The following CEP112 variants were observed in gnomAD, a reference collection of about 807,000 sequenced individuals.
The protein encoded by CEP112 is centrosomal protein of 112 kDa.
Under a neutral mutation model 153.0 loss-of-function variants are expected in CEP112, and 127 were observed. That is an observed-to-expected ratio of 0.83 (90% CI 0.72 to 0.96). The LOEUF is 0.96. Ranked by LOEUF, CEP112 falls within the 40% of genes least tolerant of loss-of-function variation. CEP112 has a pLI of 0.00. For synonymous variants in CEP112, 358 were observed against 374.4 expected, an observed-to-expected ratio of 0.96 and a Z score of 0.51; for missense variants, 1,089 against 1,101.2, an observed-to-expected ratio of 0.99 and a Z score of 0.16.
chr17:66,171,734 T>C (rs2072250552), intron 4 of CEP112, among the ~76,000 whole-genome samples: 4 of 152,198 alleles, frequency 2.6e-5, no homozygotes, highest in Admixed American at 2.0e-4. Flanking sequence ...ACTACAAATA[T>C]CTGTTAACTA....
At chr17:65,969,878 T>G (rs1370127585) in intron 17 of CEP112, among the ~76,000 whole-genome samples, 1 of 152,228 alleles carries the variant, frequency 6.6e-6, no homozygotes, top group Non-Finnish European at 1.5e-5. Flanking sequence ...GTGCATTATG[T>G]GTAAATTACA....
chr17:66,132,168 C>CAAAAAAAAAAAAA lies in CEP112; in HGVS notation c.564+489_564+501dup, dbSNP rs56221578. 3.3e-4 allele frequency among the ~76,000 whole-genome samples: 13 copies of CAAAAAAAAAAAAA among 39,882 alleles called. 4 individuals are homozygous for CAAAAAAAAAAAAA. The highest frequency in any genetic ancestry group is 1.6e-3 in the South Asian group (1 of 624). 26.2% of individuals were successfully genotyped at this position (39,882 alleles called of 152,430 possible). ...CCTGGGCAACAGTGAGACTCCATCT[C>CAAAAAAAAAAAAA]AAAAAAAAAAAAAAAAAAAAAAAAA... is the stretch of plus-strand genomic sequence containing the variant. On this transcript the variant is annotated intron_variant, in intron 5 of 26. Transcript: ENST00000535342.
intron 24 of CEP112, among the ~76,000 whole-genome samples, chr17:65,648,116 C>G (rs763050301): frequency 2.4e-4 from 37 of 152,138 alleles, no homozygotes; most frequent in Non-Finnish European, 4.7e-4. Context: ...AAAGGCTGGT[C>G]TGCTGTGGTT....
chr17:66,148,348 A>G (rs980567672), intron 4 of CEP112, among the ~76,000 whole-genome samples: 3 of 152,174 alleles, frequency 2.0e-5, no homozygotes, highest in African/African-American at 7.2e-5. Flanking sequence ...TTGGGTGGGG[A>G]TACAGCCTAA....
chr17:65,955,895 A>G (rs1271268026), intron 18 of CEP112, among the ~76,000 whole-genome samples: 1 of 152,174 alleles, frequency 6.6e-6, no homozygotes, highest in Non-Finnish European at 1.5e-5. Flanking sequence ...TGGCAATGCA[A>G]TAATAGTGGG....
At chr17:66,105,447 T>C (rs986126667) in intron 6 of CEP112, among the ~76,000 whole-genome samples, 1 of 152,074 alleles carries the variant, frequency 6.6e-6, no homozygotes, top group African/African-American at 2.4e-5. Context: ...AATAATAACA[T>C]TCAATTTAAA....
In CEP112 at chr17:66,157,896, T is replaced by C. The variant is rs577744530; in HGVS notation, c.470+17148A>G. Among the ~76,000 whole-genome samples, 259 of 152,234 alleles carry C rather than the reference T, an allele frequency of 1.7e-3. 1 individual carries two copies. The highest frequency in any genetic ancestry group is 3.4e-3 in the Middle Eastern group (1 of 294). ...CATCCAGGTTCATAAAGCAAGTTTT[T>C]AGAGACCTACAAAGAGACTTAGACT... On this transcript the variant is annotated intron_variant, in intron 4 of 26. Transcript: ENST00000535342.
chr17:65,720,568 A>G (rs1414401088), intron 23 of CEP112, among the ~76,000 whole-genome samples: 1 of 152,210 alleles, frequency 6.6e-6, no homozygotes, highest in African/African-American at 2.4e-5. Flanking sequence ...GGCAACCGGA[A>G]GAGCAGTTTC....
chr17:65,858,556 ATC>A (rs1434302843), intron 20 of CEP112, among the ~76,000 whole-genome samples: 1 of 152,086 alleles, frequency 6.6e-6, no homozygotes, highest in African/African-American at 2.4e-5. Flanking sequence ...TGTTATTAAT[ATC>A]TCTCTTTTAT....
chr17:65,887,681 G>A (rs1380486871), intron 20 of CEP112, among the ~76,000 whole-genome samples: 1 of 152,192 alleles, frequency 6.6e-6, no homozygotes, highest in South Asian at 2.1e-4. Context: ...GCAAGATCAG[G>A]CAAGAGACCT....
intron 23 of CEP112, among the ~76,000 whole-genome samples, chr17:65,732,304 G>A (rs2050555737): frequency 6.6e-6 from 1 of 152,038 alleles, no homozygotes; most frequent in Non-Finnish European, 1.5e-5. Flanking sequence ...TTTTTTCTGG[G>A]CAGGAGGTCT....
chr17:65,979,407 T>C (rs1599241144), intron 17 of CEP112, among the ~76,000 whole-genome samples: 1 of 151,878 alleles, frequency 6.6e-6, no homozygotes, highest in African/African-American at 2.4e-5. Context: ...CTATTTTTAT[T>C]AAAAAAATTT....
chr17:66,014,047 C>T (rs997334591), intron 16 of CEP112, among the ~76,000 whole-genome samples: 5 of 152,234 alleles, frequency 3.3e-5, no homozygotes, highest in African/African-American at 7.2e-5. Context: ...GGTACACTCA[C>T]GCTGGCAGCA....
chr17:65,982,201 T>C (rs939502338), intron 17 of CEP112, among the ~76,000 whole-genome samples: 1 of 152,220 alleles, frequency 6.6e-6, no homozygotes. Flanking sequence ...TTATCCTTTG[T>C]GTTACAAACA....
chr17:66,008,749 G>T (rs1384077151), intron 16 of CEP112, among the ~76,000 whole-genome samples: 1 of 151,096 alleles, frequency 6.6e-6, no homozygotes, highest in Non-Finnish European at 1.5e-5. Context: ...CTAGGAGTTT[G>T]ATTGCTTTTT....
At chr17:65,842,343 T>C (rs2057549264) in intron 21 of CEP112, among the ~76,000 whole-genome samples, 2 of 152,118 alleles carry the variant, frequency 1.3e-5, no homozygotes, top group Non-Finnish European at 2.9e-5. Context: ...TAAAACATAG[T>C]TTTCTAGCTT....
intron 16 of CEP112, among the ~76,000 whole-genome samples, chr17:66,025,081 C>G (rs2065145995): frequency 6.6e-6 from 1 of 152,054 alleles, no homozygotes; most frequent in South Asian, 2.1e-4. Context: ...AATTGAATTA[C>G]CATATGCAGA....
intron 4 of CEP112, among the ~76,000 whole-genome samples, chr17:66,154,672 T>A (rs2071359065): frequency 6.6e-6 from 1 of 151,948 alleles, no homozygotes; most frequent in Admixed American, 6.6e-5. Flanking sequence ...AATAAGAAGC[T>A]TCTAGAAAAT....
rs190766565 is a variant in CEP112 at position 65,829,822 on chromosome 17, C to G, written c.2394+21982G>C. Among the ~76,000 whole-genome samples, 215 of 152,180 alleles carry G rather than the reference C, an allele frequency of 1.4e-3. 1 individual carries two copies. The highest frequency in any genetic ancestry group is 2.3e-3 in the Non-Finnish European group (158 of 67,998). The stretch of plus-strand genomic sequence containing the variant: ...ACTCAACTTAGCATGAAAGCTGGGA[C>G]ATATTTAACAGTGAAAGGGATAGCA... On this transcript the variant is annotated intron_variant, in intron 21 of 26. Coordinates refer to ENST00000535342, the MANE Select transcript of CEP112 (RefSeq NM_001199165.4).
Sources: gnomAD v4.1 joint callset for allele counts (sites outside exome capture counted in the v4.1 genomes callset) on GRCh38, gnomAD v4.1.1 for gene constraint, MANE v1.5 for transcripts, NCBI Gene and HGNC (gene_info 2026-07-23, HGNC 2026-07-21) for gene names.